The following FHIT variants were observed in gnomAD, a reference collection of about 807,000 sequenced individuals.
The protein encoded by FHIT is bis(5'-adenosyl)-triphosphatase.
A neutral mutation model predicts 17.9 loss-of-function variants in FHIT; 19 were observed. That is an observed-to-expected ratio of 1.06 (90% confidence interval 0.74 to 1.56). FHIT has a LOEUF of 1.56. Among genes scored for constraint, FHIT ranks in the 40% most tolerant of loss-of-function variants. The probability of loss-of-function intolerance (pLI) is 0.00; values close to 1 mark genes in which losing one functional copy is unlikely to be tolerated. For missense variants in FHIT, 248 were observed against 189.2 expected (o/e 1.31, Z -1.82); for synonymous variants, 81 against 69.7 (o/e 1.16, Z -0.81).
intron 5 of FHIT, among the ~76,000 whole-genome samples, chr3:60,416,039 TATTAA>T (rs1702238468): frequency 6.6e-6 from 1 of 151,414 alleles, no homozygotes; most frequent in African/African-American, 2.4e-5. Flanking sequence ...TCTTAATTCT[TATTAA>T]ATTATTACTT....
intron 5 of FHIT, among the ~76,000 whole-genome samples, chr3:60,335,961 T>C (rs1254595627): frequency 6.6e-6 from 1 of 152,210 alleles, no homozygotes; most frequent in Non-Finnish European, 1.5e-5. Flanking sequence ...ACAGAACATA[T>C]TCTGACAGAT....
intron 7 of FHIT, among the ~76,000 whole-genome samples, chr3:59,929,889 CCAGA>C (rs1705882143): frequency 1.3e-5 from 2 of 150,568 alleles, no homozygotes; most frequent in Admixed American, 6.6e-5. Flanking sequence ...CTCAATTGCC[CCAGA>C]CAAAAACCCT....
chr3:60,873,594 C>G (rs1704514149), intron 3 of FHIT, among the ~76,000 whole-genome samples: 1 of 152,182 alleles, frequency 6.6e-6, no homozygotes, highest in African/African-American at 2.4e-5. Context: ...CTGCCTCTAT[C>G]TGATGGTCCT....
At chr3:60,709,068 T>A (rs1559657248) in intron 4 of FHIT, among the ~76,000 whole-genome samples, 1 of 152,220 alleles carries the variant, frequency 6.6e-6, no homozygotes, top group Non-Finnish European at 1.5e-5. Context: ...CAGGATCCAT[T>A]TCCACTCCTA....
intron 5 of FHIT, among the ~76,000 whole-genome samples, chr3:60,507,954 T>A (rs1364205311): frequency 6.6e-6 from 1 of 152,220 alleles, no homozygotes; most frequent in Non-Finnish European, 1.5e-5. Context: ...TCTATATCTT[T>A]GCTATTGTGA....
chr3:60,113,285 G>A (rs1704762153), intron 5 of FHIT, among the ~76,000 whole-genome samples: 1 of 152,108 alleles, frequency 6.6e-6, no homozygotes. Flanking sequence ...CACATACCAA[G>A]CATTCAATAA....
At chr3:59,751,262 A>AAAAACAGGAGAGAGAGAGAGAAATGTAT in intron 9 of FHIT, 1 of 166,502 alleles carries the variant, frequency 6.0e-6, no homozygotes, top group Non-Finnish European at 1.3e-5. Context: ...TTTTTTTGAA[A>AAAAACAGGAGAGAGAGAGAGAAATGTAT]CTGAGTCTTG....
chr3:60,604,779 A>T (rs1286525004), intron 4 of FHIT, among the ~76,000 whole-genome samples: 2 of 152,162 alleles, frequency 1.3e-5, no homozygotes, highest in African/African-American at 4.8e-5. Context: ...ATTGCCCAGG[A>T]ATCTTGGATC....
At chr3:59,953,349 G>A (rs1057463903) in intron 7 of FHIT, among the ~76,000 whole-genome samples, 1 of 151,802 alleles carries the variant, frequency 6.6e-6, no homozygotes, top group East Asian at 1.9e-4. Context: ...TTGTGTGCAT[G>A]TCCTCCTCCT....
At chr3:60,649,009 A>G (rs939030802) in intron 4 of FHIT, among the ~76,000 whole-genome samples, 1 of 152,262 alleles carries the variant, frequency 6.6e-6, no homozygotes, top group Admixed American at 6.5e-5. Flanking sequence ...ACATATACAC[A>G]CATATATGTT....
At chr3:60,002,559 G>C (rs911317244) in intron 7 of FHIT, among the ~76,000 whole-genome samples, 1 of 152,180 alleles carries the variant, frequency 6.6e-6, no homozygotes, top group Non-Finnish European at 1.5e-5. Flanking sequence ...TGTTTGGCCT[G>C]AGGGCCATTA....
intron 2 of FHIT, among the ~76,000 whole-genome samples, chr3:61,055,136 T>C (rs2034173249): frequency 1.3e-5 from 2 of 152,312 alleles, no homozygotes; most frequent in South Asian, 4.1e-4. Context: ...GCATCTGTGA[T>C]GCGTCTCTTT....
At chr3:60,958,919 A>G (rs1553779724) in intron 3 of FHIT, among the ~76,000 whole-genome samples, 2 of 152,234 alleles carry the variant, frequency 1.3e-5, no homozygotes, top group African/African-American at 4.8e-5. Context: ...TAATCAATGT[A>G]GTAAGGACAG....
intron 5 of FHIT, among the ~76,000 whole-genome samples, chr3:60,304,737 A>G (rs1708598194): frequency 6.6e-6 from 1 of 152,084 alleles, no homozygotes; most frequent in Non-Finnish European, 1.5e-5. Context: ...GGGTCCCTGT[A>G]CTCCTATTTG....
chr3:60,035,048 G>A (rs926530490), intron 5 of FHIT, among the ~76,000 whole-genome samples: 5 of 152,080 alleles, frequency 3.3e-5, no homozygotes, highest in Non-Finnish European at 7.4e-5. Flanking sequence ...TGGATAAAAA[G>A]ATAACACAGA....
At chr3:60,216,224 T>A (rs1032926589) in intron 5 of FHIT, among the ~76,000 whole-genome samples, 9 of 152,208 alleles carry the variant, frequency 5.9e-5, no homozygotes, top group Non-Finnish European at 1.2e-4. Context: ...AGAGAATTTA[T>A]ATAGAAACTG....
intron 7 of FHIT, among the ~76,000 whole-genome samples, chr3:59,965,095 G>A (rs1052079416): frequency 3.3e-5 from 5 of 152,054 alleles, no homozygotes; most frequent in Admixed American, 3.3e-4. Context: ...ACTAATTATA[G>A]GAGAGTTTTC....
intron 1 of FHIT, among the ~76,000 whole-genome samples, chr3:61,243,702 A>G (rs2040423090): frequency 6.6e-6 from 1 of 152,138 alleles, no homozygotes; most frequent in Non-Finnish European, 1.5e-5. Context: ...TTTTAATGGG[A>G]TTATAGCCCC....
At chr3:59,994,892 A>G (rs1699442326) in intron 7 of FHIT, among the ~76,000 whole-genome samples, 1 of 152,076 alleles carries the variant, frequency 6.6e-6, no homozygotes, top group South Asian at 2.1e-4. Context: ...ACCTGTTTCT[A>G]TTCTGCCTGG....
Sources: gnomAD v4.1 joint callset for allele counts (sites outside exome capture counted in the v4.1 genomes callset) on GRCh38, gnomAD v4.1.1 for gene constraint, MANE v1.5 for transcripts, NCBI Gene and HGNC (gene_info 2026-07-23, HGNC 2026-07-21) for gene names.